The following FAM156A variants were observed in gnomAD, a reference collection of about 807,000 sequenced individuals.
FAM156A encodes the protein family with sequence similarity 156 member A, also known as protein FAM156A/FAM156B.
At chrX:52,990,826 G>GAAAAGAAAAGAA in intron 1 of FAM156A, among the ~76,000 whole-genome samples, 1 of 106,815 alleles carries the variant, frequency 9.4e-6, no homozygotes, top group East Asian at 3.0e-4. Context: ...GAAAAGAAAA[G>GAAAAGAAAAGAA]AAAAGAAAAG....
At chrX:52,987,194 A>C (rs1288406260) in intron 1 of FAM156A, among the ~76,000 whole-genome samples, 1 of 111,968 alleles carries the variant, frequency 8.9e-6, no homozygotes, top group East Asian at 2.8e-4. Flanking sequence ...AGGAACAATT[A>C]AATAAAGAGA....
intron 1 of FAM156A, among the ~76,000 whole-genome samples, chrX:52,976,242 G>A (rs1168723985): frequency 2.7e-5 from 3 of 111,499 alleles, no homozygotes; most frequent in Admixed American, 1.9e-4. Flanking sequence ...TCAGGAGTTC[G>A]AGACAAACCT....
intron 1 of FAM156A, among the ~76,000 whole-genome samples, chrX:52,985,922 AT>A (rs1337501889): frequency 2.7e-5 from 3 of 110,201 alleles, no homozygotes; most frequent in Non-Finnish European, 3.8e-5. Context: ...CTAAAAAAAA[AT>A]AATAATAATA....
intron 1 of FAM156A, among the ~76,000 whole-genome samples, chrX:52,994,358 G>C (rs1263604783): frequency 5.5e-5 from 6 of 109,623 alleles, no homozygotes; most frequent in Non-Finnish European, 1.1e-4. Flanking sequence ...CCTAGACAGA[G>C]ACCCCCCCCA....
At chrX:52,992,343 G>A (rs1930836070) in intron 1 of FAM156A, among the ~76,000 whole-genome samples, 1 of 112,019 alleles carries the variant, frequency 8.9e-6, no homozygotes, top group African/African-American at 3.2e-5. Context: ...GAGAGGTGGT[G>A]TTCCTGCTCC....
At chrX:52,993,958 CT>C (rs1556796137) in intron 1 of FAM156A, among the ~76,000 whole-genome samples, 1 of 111,016 alleles carries the variant, frequency 9.0e-6, no homozygotes, top group Non-Finnish European at 1.9e-5. Flanking sequence ...CCCCATTTTA[CT>C]GATTATGATA....
intron 1 of FAM156A, among the ~76,000 whole-genome samples, chrX:52,987,794 C>T (rs1482488968): frequency 3.6e-5 from 4 of 111,758 alleles, no homozygotes; most frequent in African/African-American, 1.3e-4. Flanking sequence ...CACAAAAATC[C>T]ATGCACAAAT....
intron 1 of FAM156A, among the ~76,000 whole-genome samples, chrX:52,975,674 T>C (rs1179363393): frequency 2.7e-5 from 3 of 111,720 alleles, no homozygotes; most frequent in Non-Finnish European, 5.6e-5. Flanking sequence ...GATCTGAAAC[T>C]GTAGGCTTCC....
chrX:52,984,645 A>T (rs1163377882), intron 1 of FAM156A, among the ~76,000 whole-genome samples: 2 of 111,869 alleles, frequency 1.8e-5, no homozygotes, highest in Admixed American at 1.9e-4. Flanking sequence ...AGGCAGGTGG[A>T]TCACCTGAGG....
intron 1 of FAM156A, among the ~76,000 whole-genome samples, chrX:52,987,820 A>C (rs1930401954): frequency 8.9e-6 from 1 of 111,845 alleles, no homozygotes; most frequent in Non-Finnish European, 1.9e-5. Context: ...TGGCAGCTCT[A>C]TTCATAATTG....
intron 1 of FAM156A, among the ~76,000 whole-genome samples, chrX:52,993,898 C>A (rs1556796123): frequency 1.8e-5 from 2 of 111,299 alleles, no homozygotes; most frequent in Admixed American, 1.9e-4. Context: ...GAGTGGGGCC[C>A]TTTACACACA....
chrX:52,984,950 T>C (rs1204300451), intron 1 of FAM156A, among the ~76,000 whole-genome samples: 1 of 110,602 alleles, frequency 9.0e-6, no homozygotes, highest in Non-Finnish European at 1.9e-5. Context: ...TTTATAATTA[T>C]AGTTGGAGAT....
At chrX:52,978,696 GAAA>G (rs1444441723) in intron 1 of FAM156A, among the ~76,000 whole-genome samples, 1 of 112,555 alleles carries the variant, frequency 8.9e-6, no homozygotes, top group Non-Finnish European at 1.9e-5. Context: ...ATGGAGACTT[GAAA>G]GGACTGGTCT....
At chrX:52,987,522 G>C (rs1930375600) in intron 1 of FAM156A, among the ~76,000 whole-genome samples, 1 of 109,924 alleles carries the variant, frequency 9.1e-6, no homozygotes, top group Non-Finnish European at 1.9e-5. Flanking sequence ...GAGTGTGCTG[G>C]TGTACACCTG....
chrX:52,982,709 G>GA (rs1246294922), intron 1 of FAM156A, among the ~76,000 whole-genome samples: 10 of 112,060 alleles, frequency 8.9e-5, no homozygotes, highest in Admixed American at 5.7e-4. Flanking sequence ...AATTTTCAGA[G>GA]AAAAAAATTT....
chrX:52,977,656 G>C (rs782284079), intron 1 of FAM156A, among the ~76,000 whole-genome samples: 1 of 110,711 alleles, frequency 9.0e-6, no homozygotes, highest in Admixed American at 9.7e-5. Flanking sequence ...GGATGATCTC[G>C]AACTCCTGGG....
intron 1 of FAM156A, among the ~76,000 whole-genome samples, chrX:52,976,482 A>T (rs186339324): frequency 3.6e-5 from 4 of 111,878 alleles, no homozygotes; most frequent in Admixed American, 1.9e-4. Context: ...GCTGAGTAAT[A>T]ATAAGGAAGA....
chrX:52,976,398 C>T (rs1556792205), intron 1 of FAM156A, among the ~76,000 whole-genome samples: 1 of 110,708 alleles, frequency 9.0e-6, no homozygotes. Flanking sequence ...GAAACAAGAT[C>T]GTGCCACTGC....
chrX:52,991,494 C>T (rs782704513), intron 1 of FAM156A, among the ~76,000 whole-genome samples: 1 of 111,486 alleles, frequency 9.0e-6, no homozygotes, highest in African/African-American at 3.3e-5. Flanking sequence ...CACAGACACA[C>T]CCAGAGATAA....
Sources: gnomAD v4.1 joint callset for allele counts (sites outside exome capture counted in the v4.1 genomes callset) on GRCh38, gnomAD v4.1.1 for gene constraint, MANE v1.5 for transcripts, NCBI Gene and HGNC (gene_info 2026-07-23, HGNC 2026-07-21) for gene names.